ROR1: variants seen among roughly 807,000 people sequenced by gnomAD.
The protein encoded by ROR1 is inactive tyrosine-protein kinase transmembrane receptor ROR1.
Under a neutral mutation model 78.8 loss-of-function variants are expected in ROR1, and 19 were observed. The observed-to-expected ratio is 0.24, with a 90% confidence interval of 0.17 to 0.35. The LOEUF (loss-of-function observed/expected upper bound fraction) is 0.35. ROR1 is among the 10% of genes least tolerant of loss of function. The pLI is 1.00. For missense variants in ROR1, 917 were observed against 1,177.8 expected, an observed-to-expected ratio of 0.78 and a Z score of 3.24; for synonymous variants, 386 against 433.6, an observed-to-expected ratio of 0.89 and a Z score of 1.36.
At chr1:64,161,225 C>CAAACAG (rs982254784) in intron 8 of ROR1, among the ~76,000 whole-genome samples, 2 of 152,160 alleles carry the variant, frequency 1.3e-5, no homozygotes, top group African/African-American at 4.8e-5. Context: ...AATTGAGACA[C>CAAACAG]AAACAGACTA....
intron 4 of ROR1, among the ~76,000 whole-genome samples, chr1:64,123,316 G>GT (rs553492305): frequency 3.2e-4 from 48 of 152,282 alleles, no homozygotes; most frequent in African/African-American, 1.1e-3. Flanking sequence ...TTATACTATT[G>GT]TAAGTTCCCG....
rs904031348 is a variant in ROR1, at chr1:63,788,620, T to C, written c.91+14112T>C. 6 of 152,796 alleles carry C rather than the reference T, an allele frequency of 3.9e-5. No individual in the cohort carries two copies. The Admixed American group carries it at 4.0e-4, about 10-fold the overall frequency. 9.5% of individuals were successfully genotyped at this position (152,796 alleles called of 1,614,324 possible). On this transcript the variant is annotated intron_variant, in intron 1 of 8. Coordinates refer to ENST00000371079, the MANE Select transcript of ROR1 (RefSeq NM_005012.4). ...AGAGTGATCTAATATATATATTATA[T>C]GTTATATATATATATATATTTTAAG...
chr1:63,834,315 G>T (rs1645007044), intron 1 of ROR1, among the ~76,000 whole-genome samples: 1 of 151,850 alleles, frequency 6.6e-6, no homozygotes, highest in African/African-American at 2.4e-5. Flanking sequence ...TGTACCCTTA[G>T]ATGAATTAAA....
At chr1:63,979,857 GA>G (rs1014231027) in intron 1 of ROR1, among the ~76,000 whole-genome samples, 81 of 152,202 alleles carry the variant, frequency 5.3e-4, no homozygotes, top group African/African-American at 1.9e-3. Context: ...GTAACAAATA[GA>G]AAGATCTAAA....
intron 1 of ROR1, chr1:63,843,658 C>G: frequency 1.7e-6 from 1 of 581,428 alleles, no homozygotes; most frequent in Non-Finnish European, 3.4e-6. Flanking sequence ...ATGTTCATGA[C>G]ACCATCAGAC....
intron 4 of ROR1, among the ~76,000 whole-genome samples, chr1:64,124,136 A>G (rs1648635622): frequency 6.6e-6 from 1 of 152,216 alleles, no homozygotes. Flanking sequence ...AATATATGCT[A>G]CATATTAACC....
intron 4 of ROR1, among the ~76,000 whole-genome samples, chr1:64,095,446 A>G (rs1647273646): frequency 6.6e-6 from 1 of 152,184 alleles, no homozygotes. Flanking sequence ...AATTATAGTT[A>G]CAGGCAGCAA....
At chr1:64,095,242 A>G (rs913952112) in intron 4 of ROR1, 5 of 152,204 alleles carry the variant, frequency 3.3e-5, no homozygotes, top group Admixed American at 3.3e-4. Context: ...TTCAAAATAA[A>G]TAAGCCAGGG....
chr1:64,073,847 C>T (rs1265196496), intron 4 of ROR1, among the ~76,000 whole-genome samples: 1 of 152,158 alleles, frequency 6.6e-6, no homozygotes, highest in Non-Finnish European at 1.5e-5. Context: ...AAAAAAAATC[C>T]CCTGTGGCAT....
chr1:63,959,126 A>C (rs1646007203), intron 1 of ROR1, among the ~76,000 whole-genome samples: 1 of 152,174 alleles, frequency 6.6e-6, no homozygotes, highest in Non-Finnish European at 1.5e-5. Flanking sequence ...ACTGAAGGGG[A>C]AGCAAACATG....
intron 1 of ROR1, among the ~76,000 whole-genome samples, chr1:63,925,015 A>AT (rs1645689396): frequency 1.4e-5 from 1 of 73,098 alleles, no homozygotes. Flanking sequence ...TTTATTTTTT[A>AT]TTTTTTTATT....
intron 2 of ROR1, among the ~76,000 whole-genome samples, chr1:64,027,776 C>T (rs1646626128): frequency 6.6e-6 from 1 of 151,984 alleles, no homozygotes; most frequent in Admixed American, 6.6e-5. Context: ...CAATCTCTGC[C>T]TCCCAGGTTC....
chr1:63,869,137 G>A (rs1270452791), intron 1 of ROR1, among the ~76,000 whole-genome samples: 1 of 152,212 alleles, frequency 6.6e-6, no homozygotes, highest in East Asian at 1.9e-4. Flanking sequence ...GTGTTTTAGA[G>A]AAGGTATCTG....
At chr1:64,157,110 G>A (rs1179176436) in intron 7 of ROR1, among the ~76,000 whole-genome samples, 1 of 152,126 alleles carries the variant, frequency 6.6e-6, no homozygotes, top group Non-Finnish European at 1.5e-5. Flanking sequence ...TGCACCAGTA[G>A]AAAATATTTG....
intron 1 of ROR1, among the ~76,000 whole-genome samples, chr1:63,867,041 T>A (rs1411619040): frequency 1.3e-5 from 2 of 152,242 alleles, no homozygotes; most frequent in African/African-American, 4.8e-5. Context: ...CAGCCAGCTA[T>A]GCAGCTGAAG....
intron 1 of ROR1, among the ~76,000 whole-genome samples, chr1:63,901,288 G>A (rs1645483782): frequency 6.6e-6 from 1 of 152,132 alleles, no homozygotes; most frequent in Admixed American, 6.5e-5. Flanking sequence ...TCCTGACAAT[G>A]TTTCTGAACC....
chr1:64,070,292 A>G (rs1433184216), intron 4 of ROR1, among the ~76,000 whole-genome samples: 3 of 152,104 alleles, frequency 2.0e-5, no homozygotes, highest in African/African-American at 7.2e-5. Context: ...AGCCATGCAT[A>G]CCTGGATTTG....
At chr1:64,166,461 A>G (rs143638002) in intron 8 of ROR1, among the ~76,000 whole-genome samples, 339 of 152,298 alleles carry the variant, frequency 2.2e-3, no homozygotes, top group African/African-American at 7.7e-3. Context: ...TGGCCATTTT[A>G]ATGATATTGA....
intron 1 of ROR1, among the ~76,000 whole-genome samples, chr1:63,965,091 A>G (rs1358517327): frequency 6.6e-6 from 1 of 152,218 alleles, no homozygotes; most frequent in Non-Finnish European, 1.5e-5. Context: ...CACTTTACAT[A>G]CTATCATTTC....
Sources: allele counts gnomAD v4.1 joint callset (sites outside exome capture counted in the v4.1 genomes callset), GRCh38; gene constraint gnomAD v4.1.1; transcripts MANE v1.5; gene names NCBI Gene and HGNC (gene_info 2026-07-23, HGNC 2026-07-21).